The following HIRA variants were observed in gnomAD, a reference collection of about 807,000 sequenced individuals.
The protein encoded by HIRA is histone cell cycle regulator.
HIRA carries 13 observed loss-of-function variants against 126.6 expected under a neutral mutation model. The observed-to-expected ratio is 0.10, with a 90% CI of 0.07 to 0.16. The LOEUF (loss-of-function observed/expected upper bound fraction) is 0.16, where lower values mean the gene tolerates loss of function less well. HIRA is among the 10% of genes least tolerant of loss of function. HIRA has a pLI of 1.00. For synonymous variants in HIRA, 511 were observed against 520.0 expected, an observed-to-expected ratio of 0.98 and a Z score of 0.24; for missense variants, 834 against 1,314.4, an observed-to-expected ratio of 0.63 and a Z score of 5.65.
intron 22 of HIRA, 122 bp downstream of exon 22, chr22:19,353,874 A>C: frequency 8.0e-7 from 1 of 1,254,122 alleles, no homozygotes; most frequent in Non-Finnish European, 1.1e-6. Flanking sequence ...GCTGACCAGC[A>C]CCTGGGGCAC....
In HIRA at chr22:19,359,414, C is replaced by T. The variant is rs774976171; in HGVS notation, c.2156G>A (p.Ser719Asn). 279 of 1,610,594 alleles carry T rather than the reference C, an allele frequency of 1.7e-4. No homozygotes were observed. Among genetic ancestry groups the T allele is most frequent in the Non-Finnish European group, 2.1e-4 (251 of 1,178,672 alleles). Residue 719 changes from serine to asparagine, a missense_variant, in exon 18 of 25, where the codon AGC becomes AAC. Coordinates refer to ENST00000263208, the MANE Select transcript of HIRA (RefSeq NM_003325.4). ...CCCTTCCCGGTTGCACTTCAGGCGGCTCAGCTTCACGCCCCCCACCACTGT... is the reference window on the plus strand; with the variant it reads ...CCCTTCCCGGTTGCACTTCAGGCGGTTCAGCTTCACGCCCCCCACCACTGT... ...EVTVVGGVKL[S>N]RLKCNREGKE... is the part of the protein sequence containing the mutation.
At chr22:19,333,440 G>C (rs905489756) in intron 24 of HIRA, among the ~76,000 whole-genome samples, 5 of 152,044 alleles carry the variant, frequency 3.3e-5, no homozygotes, top group African/African-American at 1.2e-4. Context: ...AAAAGAAATA[G>C]AAAGGAAAAG....
chr22:19,385,812 T>C, intron 11 of HIRA, 76 bp from the exon 12 acceptor site: 1 of 1,380,962 alleles, frequency 7.2e-7, no homozygotes, highest in Non-Finnish European at 1.0e-6. Flanking sequence ...GCAGGCAAAC[T>C]ACAGCAGGGC....
intron 24 of HIRA, among the ~76,000 whole-genome samples, chr22:19,343,912 A>G (rs1156715251): frequency 6.9e-6 from 1 of 144,060 alleles, no homozygotes; most frequent in African/African-American, 2.5e-5. Flanking sequence ...GAGTCTTGCT[A>G]TGTTGCTCAG....
At chr22:19,345,462 C>G (rs1556008618) in intron 24 of HIRA, among the ~76,000 whole-genome samples, 1 of 152,208 alleles carries the variant, frequency 6.6e-6, no homozygotes. Flanking sequence ...ACAACTTAAT[C>G]ACCACCTCTC....
intron 1 of HIRA, among the ~76,000 whole-genome samples, chr22:19,413,592 A>C (rs2089371160): frequency 8.9e-6 from 1 of 111,752 alleles, no homozygotes; most frequent in African/African-American, 3.2e-5. Flanking sequence ...AGTGGGAATG[A>C]AACTATTTAT....
chr22:19,425,750 G>A (rs182187276), intron 1 of HIRA, among the ~76,000 whole-genome samples: 1 of 152,168 alleles, frequency 6.6e-6, no homozygotes. Flanking sequence ...TTGGGAGGCC[G>A]AGGCGGGTGG....
intron 9 of HIRA, among the ~76,000 whole-genome samples, chr22:19,391,592 C>CT (rs1246163453): frequency 6.6e-6 from 1 of 151,830 alleles, no homozygotes; most frequent in East Asian, 1.9e-4. Flanking sequence ...CGCCATTCTC[C>CT]GTCTCAGCCT....
At chr22:19,348,533 T>A (rs1045435584) in intron 24 of HIRA, among the ~76,000 whole-genome samples, 8 of 152,028 alleles carry the variant, frequency 5.3e-5, no homozygotes, top group Admixed American at 5.2e-4. Context: ...TCTCACCCTG[T>A]CGCCTGGGCT....
intron 24 of HIRA, among the ~76,000 whole-genome samples, chr22:19,332,593 T>A (rs1353325782): frequency 1.3e-5 from 2 of 150,118 alleles, no homozygotes; most frequent in Admixed American, 6.6e-5. Context: ...TCTAATTAAG[T>A]GAAATTAAAA....
intron 1 of HIRA, among the ~76,000 whole-genome samples, chr22:19,411,471 G>T (rs2089351895): frequency 6.6e-6 from 1 of 152,172 alleles, no homozygotes. Context: ...AGCACTGTAG[G>T]AGCTTGAAAC....
chr22:19,359,564 G>C (rs1440555451), intron 17 of HIRA, 80 bp from the exon 18 acceptor site: 1 of 1,388,240 alleles, frequency 7.2e-7, no homozygotes, highest in Non-Finnish European at 9.4e-7. Context: ...GTAGCCTGGG[G>C]CCCCAAGGCA....
In HIRA at chr22:19,383,664, G is replaced by A; in HGVS notation, c.1371C>T (p.Gly457=). 2 of 1,614,124 alleles carry A rather than the reference G, an allele frequency of 1.2e-6. No homozygotes were observed. Among genetic ancestry groups the A allele is most frequent in the Non-Finnish European group, 1.7e-6 (2 of 1,179,948 alleles). Residue 457 remains glycine (G), a synonymous_variant, in exon 13 of 25, where the codon GGC becomes GGT. Coordinates refer to ENST00000263208, the MANE Select transcript of HIRA (RefSeq NM_003325.4). Reference sequence around the variant, plus strand: ...TGCAGAGAGGCGTGATTCTTCTCCGGCCATCTGCTGTCCGAGTCTCAACTT... The same window carrying A: ...TGCAGAGAGGCGTGATTCTTCTCCGACCATCTGCTGTCCGAGTCTCAACTT... The part of the protein sequence containing the change: ...KKQVETRTAD[G]RRRITPLCIA...
rs972002951 is a variant in HIRA at position 19,401,957 on chromosome 22, C to T, written c.397+3829G>A. Among the ~76,000 whole-genome samples, 3 of 152,156 alleles carry T rather than the reference C, an allele frequency of 2.0e-5. No homozygotes were observed. In the East Asian group the frequency reaches 5.8e-4, roughly 29 times the overall value. ...CCACGGTCTCAAAGGCACACTGCCT[C>T]CCGCACCCTCCTCCCCCGCCCCAGC... On this transcript the variant is annotated intron_variant, in intron 5 of 24. Transcript: ENST00000263208.
At chr22:19,341,915 C>G (rs553694748) in intron 24 of HIRA, among the ~76,000 whole-genome samples, 2 of 152,268 alleles carry the variant, frequency 1.3e-5, no homozygotes, top group East Asian at 3.9e-4. Flanking sequence ...ACTACGAACC[C>G]AAAAGCAAAT....
chr22:19,376,622 T>G (rs1180436806), intron 14 of HIRA, among the ~76,000 whole-genome samples: 3 of 152,212 alleles, frequency 2.0e-5, no homozygotes, highest in Non-Finnish European at 4.4e-5. Flanking sequence ...CGTCCTGGCA[T>G]GCTTTGCTTC....
intron 15 of HIRA, among the ~76,000 whole-genome samples, chr22:19,373,894 C>A (rs2088990939): frequency 1.3e-5 from 2 of 152,120 alleles, no homozygotes; most frequent in South Asian, 4.2e-4. Flanking sequence ...AGACCCCTAG[C>A]CTTGCACCCA....
chr22:19,374,932 G>C (rs1347930637), intron 15 of HIRA, among the ~76,000 whole-genome samples: 2 of 152,206 alleles, frequency 1.3e-5, no homozygotes, highest in Non-Finnish European at 2.9e-5. Flanking sequence ...GACTCACTGG[G>C]ATGTGAACTT....
At chr22:19,383,348 C>T (rs752929090) in intron 13 of HIRA, among the ~76,000 whole-genome samples, 14 of 152,076 alleles carry the variant, frequency 9.2e-5, no homozygotes, top group African/African-American at 2.2e-4. Context: ...TTTCCTTGTG[C>T]GTCCTCTGGT....
Sources: gnomAD v4.1 joint callset for allele counts (sites outside exome capture counted in the v4.1 genomes callset) on GRCh38, gnomAD v4.1.1 for gene constraint, MANE v1.5 for transcripts, NCBI Gene and HGNC (gene_info 2026-07-23, HGNC 2026-07-21) for gene names.